The following PER1 variants were observed in gnomAD, a reference collection of about 807,000 sequenced individuals.
The protein encoded by PER1 is period circadian protein homolog 1.
In PER1, 87 loss-of-function variants were observed where a neutral mutation model predicts 125.9. The observed-to-expected ratio is 0.69, with a 90% CI of 0.58 to 0.83. The LOEUF is 0.83. PER1 is among the 40% of genes least tolerant of loss of function. PER1 has a pLI of 0.00. For missense variants in PER1, 1,775 were observed against 1,722.8 expected (o/e 1.03, Z -0.54); for synonymous variants, 801 against 714.7 (o/e 1.12, Z -1.93).
At chr17:8,148,903 G>C (rs1293244991) in intron 7 of PER1, 117 bp from the exon 8 acceptor site, 28 of 1,235,468 alleles carry the variant, frequency 2.3e-5, no homozygotes, top group South Asian at 9.2e-5. Flanking sequence ...AGGAGGCAGA[G>C]GTAGGCCGGG....
rs141920062 is a variant in PER1, at chr17:8,148,706, T to C, written c.986A>G (p.Asp329Gly). The change falls in exon 8 of 23, where the codon GAT (aspartate) becomes GGT (glycine). Residue 329 changes from aspartate to glycine, a missense_variant. Transcript: ENST00000317276. ...GCAGCACGGCTGTGCAGGGGCCCCA[T>C]CTGAGACCCGGATCTTGGTCACATA... The part of the protein sequence containing the change: ...TPYVTKIRVS[D>G]GAPAQPCCLL... 99 of 1,613,700 alleles carry C rather than the reference T, an allele frequency of 6.1e-5. No individual in the cohort carries two copies. Among genetic ancestry groups the C allele is most frequent in the Non-Finnish European group, 8.1e-5 (96 of 1,179,904 alleles).
At chr17:8,148,391 T>C (rs996037518) in intron 8 of PER1, 132 bp from the exon 9 acceptor site, 3 of 843,110 alleles carry the variant, frequency 3.6e-6, no homozygotes, top group Non-Finnish European at 5.7e-6. Context: ...GGCCCAAAGA[T>C]GGTCTGGGCC....
Position 8,142,384 on chromosome 17 carries a change from G to A in PER1, c.3334C>T (p.Arg1112Trp), listed in dbSNP as rs368035422. Reference sequence around the variant, plus strand: ...TGGTCCCCAGGCTCAGCCCCGCCCCGAGCAGCCCCAGCCTCAGCCTCGGAA... The same window carrying A: ...TGGTCCCCAGGCTCAGCCCCGCCCCAAGCAGCCCCAGCCTCAGCCTCGGAA... ...DSSEAEAGAA[R>W]GGAEPGDQVI... The change falls in exon 21 of 23, where the codon CGG becomes TGG. Residue 1112 changes from arginine (R) to tryptophan (W), a missense_variant. Coordinates refer to ENST00000317276, the MANE Select transcript of PER1 (RefSeq NM_002616.3). 8 of 1,612,880 alleles carry A rather than the reference G, an allele frequency of 5.0e-6. No individual in the cohort carries two copies. The highest frequency in any genetic ancestry group is 2.7e-5 in the African/African-American group (2 of 74,858).
chr17:8,150,395 G>A (rs1363420007), intron 2 of PER1, 37 bp downstream of exon 2: 2 of 1,573,924 alleles, frequency 1.3e-6, no homozygotes, highest in Admixed American at 3.6e-5. Context: ...CTGCTCACAA[G>A]ACCATTCCTA....
At position 8,143,893 on chromosome 17, in the gene PER1, G is replaced by A. The variant is rs778753306; in HGVS notation, c.2462-17C>T. 5.6e-6 allele frequency: 9 copies of A among 1,593,384 alleles called. No homozygotes were observed. Among genetic ancestry groups the A allele is most frequent in the South Asian group, 5.6e-5 (5 of 89,394 alleles). The stretch of plus-strand genomic sequence containing the variant: ...GGTGGCAGCCTGTGGGGAGAGACTA[G>A]GGTTAGCAAGGACCTCAACCTGGGG... On this transcript the variant is annotated splice_polypyrimidine_tract_variant and intron_variant, in intron 18 of 22. Transcript: ENST00000317276.
intron 21 of PER1, 136 bp downstream of exon 21, chr17:8,142,133 A>T: frequency 9.2e-7 from 1 of 1,081,276 alleles, no homozygotes; most frequent in South Asian, 1.5e-5. Flanking sequence ...GGGAGGAACT[A>T]GTAACAGGGC....
Position 8,142,358 on chromosome 17 carries a change from C to T in PER1, c.3360G>A (p.Gln1120=), listed in dbSNP as rs750301840. The part of the protein sequence containing the change: ...AARGGAEPGD[Q]VIKYVLQDPI... ...GATCCTGGAGCACGTACTTAATCAC[C>T]TGGTCCCCAGGCTCAGCCCCGCCCC... is the stretch of plus-strand genomic sequence containing the variant. Residue 1120 remains glutamine (Q), a synonymous_variant, in exon 21 of 23, where the codon CAG becomes CAA. Coordinates refer to ENST00000317276, the MANE Select transcript of PER1 (RefSeq NM_002616.3). 3.7e-6 allele frequency: 6 copies of T among 1,613,820 alleles called. No individual in the cohort carries two copies. Among genetic ancestry groups the T allele is most frequent in the Admixed American group, 1.7e-5 (1 of 59,958 alleles).
At chr17:8,148,604 C>T (rs55720390) in intron 8 of PER1, 40 bp downstream of exon 8, 24,665 of 1,556,936 alleles carry the variant, frequency 0.016, 260 homozygotes, top group Middle Eastern at 0.056. Context: ...AAATGTCCTT[C>T]CTCCCAGCCC....
Position 8,148,654 on chromosome 17 carries a change from C to T in PER1, c.1038G>A (p.Ser346=), listed in dbSNP as rs11656974. 8 of 1,606,778 alleles carry T rather than the reference C, an allele frequency of 5.0e-6. No homozygotes were observed. The highest frequency in any genetic ancestry group is 2.2e-5 in the South Asian group (2 of 89,818). Reference sequence around the variant, plus strand: ...CCCTGACCTGCCCACCTTCGTAACCCGAATGGATGCGCTCTGCAATCAGCA... The same window carrying T: ...CCCTGACCTGCCCACCTTCGTAACCTGAATGGATGCGCTCTGCAATCAGCA... The part of the protein sequence containing the change: ...CCLLIAERIH[S]GYEAPRIPPD... The change falls in exon 8 of 23, where the codon TCG becomes TCA. Residue 346 remains serine (S), a synonymous_variant. Transcript: ENST00000317276.
chr17:8,148,502 G>A (rs763669953), intron 8 of PER1, 142 bp downstream of exon 8: 4 of 1,082,038 alleles, frequency 3.7e-6, no homozygotes, highest in South Asian at 1.6e-5. Context: ...CCTCTAAGAG[G>A]AGCTCAAATC....
At chr17:8,146,273 G>C (rs1982429519) in intron 16 of PER1, 99 bp downstream of exon 16, 87 of 1,525,472 alleles carry the variant, frequency 5.7e-5, no homozygotes, top group Non-Finnish European at 7.6e-5. Flanking sequence ...CTGGGGAGGA[G>C]AGCAGGGCAG....
In PER1 at chr17:8,147,359, GTGGGGC is replaced by G; in HGVS notation, c.1514_1519del (p.Ser505_Pro506del). The stretch of plus-strand genomic sequence containing the variant: ...CACGGCGCCGACTCCACAGAGTCCC[GTGGGGC>G]TGGGGCTGTGGACGGGCTGCAGCAG... On this transcript the variant is annotated inframe_deletion, in exon 13 of 23. Transcript: ENST00000317276. 6.2e-7 allele frequency: 1 copy of G among 1,613,770 alleles called. No individual in the cohort carries two copies. The highest frequency in any genetic ancestry group is 8.5e-7 in the Non-Finnish European group (1 of 1,179,954).
At chr17:8,146,273 G>A (rs1982429519) in intron 16 of PER1, 99 bp downstream of exon 16, 2 of 1,525,590 alleles carry the variant, frequency 1.3e-6, no homozygotes, top group Non-Finnish European at 1.8e-6. Flanking sequence ...CTGGGGAGGA[G>A]AGCAGGGCAG....
In PER1 at chr17:8,142,396, C is replaced by A. The variant is rs112743620; in HGVS notation, c.3322G>T (p.Ala1108Ser). Residue 1108 changes from alanine to serine, a missense_variant, in exon 21 of 23, where the codon GCT becomes TCT. Physicochemically the swap from Ala to Ser is moderately conservative, Grantham distance 99. Coordinates refer to ENST00000317276, the MANE Select transcript of PER1 (RefSeq NM_002616.3). ...TCAGCCCCGCCCCGAGCAGCCCCAG[C>A]CTCAGCCTCGGAAGAGTCGATGCTG... is the stretch of plus-strand genomic sequence containing the variant. ...FGSIDSSEAEAGAARGGAEPG... is the reference protein window; with the variant it reads ...FGSIDSSEAESGAARGGAEPG... 1,879 of 1,611,714 alleles carry A rather than the reference C, an allele frequency of 1.2e-3. 6 individuals are homozygous for A. Among genetic ancestry groups the A allele is most frequent in the Non-Finnish European group, 1.5e-3 (1,736 of 1,179,134 alleles).
chr17:8,147,250 T>C lies in PER1; in HGVS notation c.1629A>G (p.Pro543=). The stretch of plus-strand genomic sequence containing the variant: ...GGTGAGGTAGGAGCAGGTCACTCAC[T>C]GGCGCAGGAGGCCCAGGCCCCTCTG... The part of the protein sequence containing the change: ...GDAEGPGPPA[P]VTFQQICKDV... Residue 543 remains proline (P), a splice_region_variant and synonymous_variant, in exon 13 of 23, where the codon CCA becomes CCG. Transcript: ENST00000317276. The C allele has an allele frequency of 6.2e-7, 1 of 1,605,618 alleles. No individual in the cohort carries two copies. Among genetic ancestry groups the C allele is most frequent in the South Asian group, 1.1e-5 (1 of 89,792 alleles).
At chr17:8,148,826 G>A (rs1426529826) in intron 7 of PER1, 40 bp from the exon 8 acceptor site, 8 of 1,607,420 alleles carry the variant, frequency 5.0e-6, no homozygotes, top group Non-Finnish European at 6.8e-6. Context: ...TTTCAACAGA[G>A]AGCCACCCAC....
Position 8,145,960 on chromosome 17 carries a change from G to A in PER1, c.2216C>T (p.Ser739Leu), listed in dbSNP as rs765579864. The change falls in exon 17 of 23, where the codon TCG becomes TTG. Residue 739 changes from serine (S) to leucine (L), a missense_variant and splice_region_variant. Transcript: ENST00000317276. ...GCCCCCCAATTCCACACCCATACCC[G>A]ACTCCGGGGGCTTCTTGTCTCCCAC... ...VHVGDKKPPE[S>L]DIIMMEDLPG... is the part of the protein sequence containing the mutation. 2.0e-5 allele frequency: 32 copies of A among 1,601,022 alleles called. No homozygotes were observed. Among genetic ancestry groups the A allele is most frequent in the Middle Eastern group, 1.7e-4 (1 of 6,024 alleles).
At chr17:8,149,167 T>C (rs893553971) in intron 7 of PER1, 92 bp downstream of exon 7, 15 of 1,173,710 alleles carry the variant, frequency 1.3e-5, no homozygotes, top group Non-Finnish European at 1.8e-5. Flanking sequence ...CCAGCCTGGG[T>C]GACAGAGTGA....
intron 7 of PER1, 149 bp from the exon 8 acceptor site, chr17:8,148,935 T>C: frequency 1.1e-6 from 1 of 909,012 alleles, no homozygotes. Flanking sequence ...ACGCCTTTAA[T>C]CCCAGCACTT....
Sources: gnomAD v4.1 joint callset for allele counts on GRCh38, gnomAD v4.1.1 for gene constraint, MANE v1.5 for transcripts, NCBI Gene and HGNC (gene_info 2026-07-23, HGNC 2026-07-21) for gene names.